The following FRMD4A variants were observed in gnomAD, a reference collection of about 807,000 sequenced individuals.
FRMD4A encodes FERM domain containing 4A.
A neutral mutation model predicts 129.1 loss-of-function variants in FRMD4A; 29 were observed. That is an observed-to-expected ratio of 0.22 (90% CI 0.17 to 0.31). The LOEUF (loss-of-function observed/expected upper bound fraction) is 0.31, where lower values mean the gene tolerates loss of function less well. Ranked by LOEUF, FRMD4A falls within the 10% of genes least tolerant of loss-of-function variation. The pLI is 1.00. For synonymous variants in FRMD4A, 634 were observed against 571.6 expected (o/e 1.11, Z -1.56); for missense variants, 1,272 against 1,375.8 (o/e 0.92, Z 1.19).
At chr10:14,321,683 T>C (rs1034652752) in intron 2 of FRMD4A, among the ~76,000 whole-genome samples, 2 of 151,958 alleles carry the variant, frequency 1.3e-5, no homozygotes, top group African/African-American at 4.8e-5. Flanking sequence ...TAACTAACAC[T>C]CTAGAAAAAG....
At chr10:13,723,342 T>A (rs1359331906) in intron 12 of FRMD4A, among the ~76,000 whole-genome samples, 1 of 152,238 alleles carries the variant, frequency 6.6e-6, no homozygotes, top group Non-Finnish European at 1.5e-5. Context: ...GGTTTGGATA[T>A]TAAAACCCTA....
intron 2 of FRMD4A, among the ~76,000 whole-genome samples, chr10:14,293,111 A>C (rs1438219837): frequency 2.6e-5 from 4 of 152,234 alleles, no homozygotes; most frequent in Non-Finnish European, 5.9e-5. Context: ...GTGTTCCCCA[A>C]AATTCATGTG....
chr10:13,720,873 G>A (rs184074213), intron 12 of FRMD4A, among the ~76,000 whole-genome samples: 23 of 152,184 alleles, frequency 1.5e-4, no homozygotes, highest in Non-Finnish European at 3.4e-4. Context: ...ATCAAAGGAC[G>A]ATAGAATATT....
At chr10:13,899,004 G>A (rs1174738354) in intron 2 of FRMD4A, among the ~76,000 whole-genome samples, 1 of 151,984 alleles carries the variant, frequency 6.6e-6, no homozygotes, top group East Asian at 1.9e-4. Flanking sequence ...GCTACATAGT[G>A]AGACCCCTGT....
In FRMD4A at chr10:14,148,496, G is replaced by A. The variant is rs1051907470; in HGVS notation, c.45+181562C>T. 1.1e-4 allele frequency among the ~76,000 whole-genome samples: 16 copies of A among 152,286 alleles called. No homozygotes were observed. The South Asian group carries it at 3.1e-3, about 30-fold the overall frequency. On this transcript the variant is annotated intron_variant, in intron 2 of 24. Coordinates refer to ENST00000357447, the MANE Select transcript of FRMD4A (RefSeq NM_018027.5). ...ACAATGAGAATGGCCGGGTGCGCTG[G>A]CTCACGCCTGTAATCCCAGCACTTT...
chr10:14,309,195 A>C (rs1846454935), intron 2 of FRMD4A, among the ~76,000 whole-genome samples: 1 of 152,200 alleles, frequency 6.6e-6, no homozygotes, highest in African/African-American at 2.4e-5. Context: ...CACGTCTGTA[A>C]TCACAGCTAC....
chr10:13,895,180 C>G (rs954758189), intron 2 of FRMD4A, among the ~76,000 whole-genome samples: 24 of 152,118 alleles, frequency 1.6e-4, no homozygotes, highest in African/African-American at 5.8e-4. Flanking sequence ...ATTATTTTGT[C>G]ACTGAGGTAT....
At chr10:14,279,333 C>T (rs868804063) in intron 2 of FRMD4A, among the ~76,000 whole-genome samples, 6 of 151,748 alleles carry the variant, frequency 4.0e-5, no homozygotes, top group Admixed American at 3.3e-4. Flanking sequence ...ATTACAGGTG[C>T]CCACCACCAT....
chr10:14,298,215 C>A (rs1047373259), intron 2 of FRMD4A, among the ~76,000 whole-genome samples: 7 of 152,174 alleles, frequency 4.6e-5, no homozygotes, highest in African/African-American at 1.4e-4. Flanking sequence ...TGCACCATAT[C>A]AAAAACTCCC....
intron 12 of FRMD4A, among the ~76,000 whole-genome samples, chr10:13,714,655 T>C (rs2088597506): frequency 6.6e-6 from 1 of 152,142 alleles, no homozygotes; most frequent in African/African-American, 2.4e-5. Flanking sequence ...ATAAAGTAGC[T>C]GTATTCATGC....
intron 2 of FRMD4A, among the ~76,000 whole-genome samples, chr10:14,222,541 T>C (rs540467200): frequency 6.6e-6 from 1 of 152,314 alleles, no homozygotes; most frequent in South Asian, 2.1e-4. Context: ...ACAGCAGATA[T>C]TCTAAATCAA....
At chr10:13,733,780 G>T (rs533342993) in intron 12 of FRMD4A, among the ~76,000 whole-genome samples, 1 of 152,292 alleles carries the variant, frequency 6.6e-6, no homozygotes, top group African/African-American at 2.4e-5. Context: ...CTTAAGGAGG[G>T]CCCCAAATTA....
At chr10:14,226,038 T>C (rs886890843) in intron 2 of FRMD4A, among the ~76,000 whole-genome samples, 1 of 152,184 alleles carries the variant, frequency 6.6e-6, no homozygotes, top group Non-Finnish European at 1.5e-5. Flanking sequence ...TTTTCATCTA[T>C]TTGAGATTTG....
At chr10:14,014,444 G>A (rs139894627) in intron 2 of FRMD4A, among the ~76,000 whole-genome samples, 1 of 152,274 alleles carries the variant, frequency 6.6e-6, no homozygotes, top group African/African-American at 2.4e-5. Context: ...TCCTAGAGCA[G>A]GAGGGGGGAG....
intron 2 of FRMD4A, among the ~76,000 whole-genome samples, chr10:13,939,127 C>G (rs1447853888): frequency 1.3e-5 from 2 of 152,140 alleles, no homozygotes; most frequent in Non-Finnish European, 2.9e-5. Flanking sequence ...TAAGGCAAGA[C>G]CATTGAAACA....
intron 12 of FRMD4A, among the ~76,000 whole-genome samples, chr10:13,716,219 A>C (rs1234326684): frequency 1.3e-5 from 2 of 152,194 alleles, no homozygotes; most frequent in Non-Finnish European, 2.9e-5. Context: ...CTTATTGGCC[A>C]ATTCCTCCGT....
intron 2 of FRMD4A, among the ~76,000 whole-genome samples, chr10:14,107,253 G>A (rs978693505): frequency 6.6e-6 from 1 of 152,122 alleles, no homozygotes; most frequent in African/African-American, 2.4e-5. Context: ...TGGGTACTAT[G>A]CTCACTATCT....
intron 6 of FRMD4A, among the ~76,000 whole-genome samples, chr10:13,779,958 A>G (rs78630553): frequency 0.014 from 2,138 of 152,292 alleles, 95 homozygotes; most frequent in South Asian, 0.12. Context: ...CGGAGATTGC[A>G]TTCATGAGAC....
intron 4 of FRMD4A, among the ~76,000 whole-genome samples, chr10:13,798,666 G>A (rs144789707): frequency 3.9e-5 from 6 of 152,184 alleles, no homozygotes; most frequent in Non-Finnish European, 8.8e-5. Context: ...GCAGTGAGCC[G>A]AGATGGCGCC....
Sources: gnomAD v4.1 joint callset for allele counts (sites outside exome capture counted in the v4.1 genomes callset) on GRCh38, gnomAD v4.1.1 for gene constraint, MANE v1.5 for transcripts, NCBI Gene and HGNC (gene_info 2026-07-23, HGNC 2026-07-21) for gene names.